EPB41L2: variants seen among roughly 807,000 people sequenced by gnomAD.
EPB41L2 encodes the protein band 4.1-like protein 2.
Under a neutral mutation model 113.0 loss-of-function variants are expected in EPB41L2, and 43 were observed. The observed-to-expected ratio is 0.38, with a 90% CI of 0.30 to 0.49. The LOEUF (loss-of-function observed/expected upper bound fraction) is 0.49. Ranked by LOEUF, EPB41L2 falls within the 20% of genes least tolerant of loss-of-function variation. EPB41L2 has a pLI of 0.95. For missense variants in EPB41L2, 1,147 were observed against 1,223.4 expected (o/e 0.94, Z 0.93); for synonymous variants, 442 against 436.7 (o/e 1.01, Z -0.15).
intron 4 of EPB41L2, among the ~76,000 whole-genome samples, chr6:130,914,284 G>T (rs1252742163): frequency 6.6e-6 from 1 of 152,026 alleles, no homozygotes; most frequent in Non-Finnish European, 1.5e-5. Context: ...TCATCTTTTG[G>T]TATATATATC....
At chr6:130,969,073 T>G (rs534026516) in intron 1 of EPB41L2, among the ~76,000 whole-genome samples, 2 of 152,252 alleles carry the variant, frequency 1.3e-5, no homozygotes, top group South Asian at 4.2e-4. Context: ...ACCAATATAT[T>G]ATATCATCCG....
intron 3 of EPB41L2, among the ~76,000 whole-genome samples, chr6:130,948,675 C>A (rs1487428162): frequency 1.3e-5 from 2 of 151,852 alleles, no homozygotes; most frequent in African/African-American, 4.8e-5. Flanking sequence ...CATAAGGATA[C>A]AATGTTTAAA....
At chr6:130,964,059 C>T (rs550136008) in intron 1 of EPB41L2, among the ~76,000 whole-genome samples, 27 of 151,298 alleles carry the variant, frequency 1.8e-4, no homozygotes, top group African/African-American at 6.1e-4. Context: ...CTCCCTCTGT[C>T]GCCCAGGGCT....
intron 3 of EPB41L2, among the ~76,000 whole-genome samples, chr6:130,930,760 A>T (rs542566501): frequency 7.1e-4 from 108 of 152,104 alleles, no homozygotes; most frequent in Non-Finnish European, 1.3e-3. Flanking sequence ...GAGACACAGT[A>T]TCAGAATCAG....
intron 1 of EPB41L2, among the ~76,000 whole-genome samples, chr6:131,044,762 C>A (rs1415412426): frequency 6.6e-6 from 1 of 152,150 alleles, no homozygotes; most frequent in East Asian, 1.9e-4. Context: ...CAGAAAACTT[C>A]CCTTCTCCAA....
chr6:131,062,582 TGGCGCGCCGCCCTCGCCCGGCTTCCC>T (rs1191141731), intron 1 of EPB41L2: 1 of 149,876 alleles, frequency 6.7e-6, no homozygotes, highest in Admixed American at 6.7e-5. Context: ...CGCGTGGGGC[TGGCGCGCCGCCCTCGCCCGGCTTCCC>T]GCAGTCCCCA....
chr6:130,897,133 T>C (rs1794908030), intron 8 of EPB41L2, among the ~76,000 whole-genome samples: 1 of 152,114 alleles, frequency 6.6e-6, no homozygotes, highest in African/African-American at 2.4e-5. Context: ...CCGCTTCTCT[T>C]ATGGTTTCTC....
intron 12 of EPB41L2, among the ~76,000 whole-genome samples, chr6:130,883,908 G>A (rs893758718): frequency 1.3e-5 from 2 of 152,164 alleles, no homozygotes; most frequent in Non-Finnish European, 1.5e-5. Flanking sequence ...CCCATGTGGT[G>A]GTCCCTGAGA....
intron 3 of EPB41L2, among the ~76,000 whole-genome samples, chr6:130,953,144 C>T (rs1379556851): frequency 6.6e-6 from 1 of 151,432 alleles, no homozygotes; most frequent in East Asian, 1.9e-4. Context: ...AAATCTACAT[C>T]CCCTAATTTC....
At chr6:130,900,929 T>C (rs1796105475) in intron 7 of EPB41L2, 33 bp downstream of exon 7, 1 of 1,605,540 alleles carries the variant, frequency 6.2e-7, no homozygotes, top group Non-Finnish European at 8.5e-7. Context: ...AAATCTCCCA[T>C]GGCCATTCTC....
intron 19 of EPB41L2, among the ~76,000 whole-genome samples, chr6:130,853,039 C>A (rs567713712): frequency 6.6e-6 from 1 of 152,328 alleles, no homozygotes; most frequent in South Asian, 2.1e-4. Context: ...ACTTGAAATT[C>A]TTCTGCTACC....
At chr6:130,867,934 AG>A (rs1462074671) in intron 15 of EPB41L2, 1 of 304,866 alleles carries the variant, frequency 3.3e-6, no homozygotes, top group Non-Finnish European at 6.0e-6. Context: ...CCTAGTGTAT[AG>A]TGACACACAC....
At chr6:130,984,536 G>A (rs1780077883) in intron 1 of EPB41L2, among the ~76,000 whole-genome samples, 1 of 152,150 alleles carries the variant, frequency 6.6e-6, no homozygotes, top group Non-Finnish European at 1.5e-5. Flanking sequence ...AATCTTATGG[G>A]ACCTCCATCC....
chr6:130,926,770 T>G, intron 3 of EPB41L2, 61 bp from the exon 4 acceptor site: 1 of 975,002 alleles, frequency 1.0e-6, no homozygotes, highest in Non-Finnish European at 1.6e-6. Context: ...TGCTATAAAT[T>G]TAAGACATCA....
At chr6:130,939,759 CAA>C (rs1810156750) in intron 3 of EPB41L2, among the ~76,000 whole-genome samples, 1 of 152,154 alleles carries the variant, frequency 6.6e-6, no homozygotes. Flanking sequence ...CTACCACAAT[CAA>C]AAGTCTTTTT....
intron 18 of EPB41L2, among the ~76,000 whole-genome samples, chr6:130,861,988 T>C (rs1179661373): frequency 2.0e-5 from 3 of 152,060 alleles, no homozygotes; most frequent in Non-Finnish European, 4.4e-5. Flanking sequence ...TGACATCATA[T>C]ACAAAAAAGG....
intron 9 of EPB41L2, 123 bp from the exon 10 acceptor site, chr6:130,894,564 G>T: frequency 1.3e-6 from 1 of 792,798 alleles, no homozygotes; most frequent in Non-Finnish European, 2.1e-6. Flanking sequence ...GGTAAATATT[G>T]CATATCTAAT....
intron 8 of EPB41L2, among the ~76,000 whole-genome samples, chr6:130,898,280 T>C (rs1795247270): frequency 6.6e-6 from 1 of 152,134 alleles, no homozygotes; most frequent in Non-Finnish European, 1.5e-5. Context: ...GAGTGCTTTG[T>C]AAATATGAAG....
intron 1 of EPB41L2, among the ~76,000 whole-genome samples, chr6:131,051,778 T>C (rs982670405): frequency 6.6e-6 from 1 of 152,122 alleles, no homozygotes; most frequent in South Asian, 2.1e-4. Context: ...CAGAATTCTA[T>C]ATACAACCAA....
Sources: allele counts gnomAD v4.1 joint callset (sites outside exome capture counted in the v4.1 genomes callset), GRCh38; gene constraint gnomAD v4.1.1; transcripts MANE v1.5; gene names NCBI Gene and HGNC (gene_info 2026-07-23, HGNC 2026-07-21).